The following DENND4A variants were observed in gnomAD, a reference collection of about 807,000 sequenced individuals.
DENND4A encodes C-myc promoter-binding protein.
A neutral mutation model predicts 199.3 loss-of-function variants in DENND4A; 70 were observed. The observed-to-expected ratio is 0.35, with a 90% CI of 0.29 to 0.43. The LOEUF (loss-of-function observed/expected upper bound fraction) is 0.43, where lower values mean the gene tolerates loss of function less well. DENND4A is among the 20% of genes least tolerant of loss of function. The pLI is 1.00. For missense variants in DENND4A, 1,723 were observed against 2,255.8 expected (o/e 0.76, Z 4.78); for synonymous variants, 686 against 766.9 (o/e 0.89, Z 1.74).
intron 23 of DENND4A, among the ~76,000 whole-genome samples, chr15:65,689,028 C>A (rs2076885767): frequency 6.6e-6 from 1 of 152,190 alleles, no homozygotes; most frequent in Non-Finnish European, 1.5e-5. Flanking sequence ...TCTTTCAGCA[C>A]TTTAAAGATA....
chr15:65,697,257 C>A lies in DENND4A; in HGVS notation c.2950+10G>T. The stretch of plus-strand genomic sequence containing the variant: ...CAATTTTATACAATATCAACTTAAA[C>A]AATACCTACAGGAACTACAATCACT... On this transcript the variant is annotated intron_variant, in intron 21 of 32. Transcript: ENST00000443035. The A allele has an allele frequency of 1.4e-6, 2 of 1,472,914 alleles. No individual in the cohort carries two copies. Among genetic ancestry groups the A allele is most frequent in the Non-Finnish European group, 1.9e-6 (2 of 1,069,578 alleles). 91.2% of individuals were successfully genotyped at this position (1,472,914 alleles called of 1,614,324 possible).
At chr15:65,758,362 G>A (rs1396249612) in intron 2 of DENND4A, among the ~76,000 whole-genome samples, 1 of 152,190 alleles carries the variant, frequency 6.6e-6, no homozygotes, top group African/African-American at 2.4e-5. Context: ...CGCCCAGGCT[G>A]AAATGGAGTA....
intron 25 of DENND4A, among the ~76,000 whole-genome samples, chr15:65,671,277 TAA>T (rs781228801): frequency 1.3e-5 from 2 of 152,246 alleles, no homozygotes; most frequent in African/African-American, 4.8e-5. Flanking sequence ...CTAATAGAAA[TAA>T]GTTAGTATGA....
At chr15:65,713,286 G>A (rs1322007818) in intron 14 of DENND4A, among the ~76,000 whole-genome samples, 2 of 152,096 alleles carry the variant, frequency 1.3e-5, no homozygotes, top group African/African-American at 4.8e-5. Flanking sequence ...TACAGAATAA[G>A]TATTTTGTAG....
chr15:65,683,165 G>A (rs1384275860), intron 23 of DENND4A, among the ~76,000 whole-genome samples: 1 of 152,202 alleles, frequency 6.6e-6, no homozygotes, highest in Non-Finnish European at 1.5e-5. Context: ...TGACATTTGT[G>A]TAGAGCAGTA....
chr15:65,777,810 C>T (rs2077322295), intron 1 of DENND4A, among the ~76,000 whole-genome samples: 1 of 152,112 alleles, frequency 6.6e-6, no homozygotes, highest in Non-Finnish European at 1.5e-5. Flanking sequence ...CCAAAGTGGG[C>T]AGATCACAAG....
rs542117739 is a variant in DENND4A, at chr15:65,731,796, T to C, written c.1108-96A>G. 24 of 869,946 alleles carry C rather than the reference T, an allele frequency of 2.8e-5. 1 individual carries two copies. In the South Asian group the frequency reaches 2.9e-4, roughly 11 times the overall value. 53.9% of individuals were successfully genotyped at this position (869,946 alleles called of 1,614,324 possible). Reference sequence around the variant, plus strand: ...ATATATAAAATAATGATTATGCCCATGAAGTTTCAGTATATCCATTTACCA... The same window carrying C: ...ATATATAAAATAATGATTATGCCCACGAAGTTTCAGTATATCCATTTACCA... On this transcript the variant is annotated intron_variant, in intron 8 of 32. Transcript: ENST00000443035.
chr15:65,680,871 A>C (rs2076549936), intron 23 of DENND4A: 1 of 152,254 alleles, frequency 6.6e-6, no homozygotes, highest in Non-Finnish European at 1.5e-5. Context: ...CCTTATTACT[A>C]AAAATTGCTA....
intron 1 of DENND4A, among the ~76,000 whole-genome samples, chr15:65,768,291 A>G (rs1161903494): frequency 1.3e-5 from 2 of 152,140 alleles, no homozygotes; most frequent in Non-Finnish European, 2.9e-5. Flanking sequence ...TGTTGGAATA[A>G]CAAGCATGAG....
intron 13 of DENND4A, among the ~76,000 whole-genome samples, chr15:65,716,635 C>T (rs1340071336): frequency 2.0e-5 from 3 of 151,702 alleles, no homozygotes; most frequent in African/African-American, 7.3e-5. Context: ...TTTCTTAATC[C>T]AGTCTATCAT....
chr15:65,759,268 G>A (rs2076790832), intron 2 of DENND4A, among the ~76,000 whole-genome samples: 1 of 152,110 alleles, frequency 6.6e-6, no homozygotes, highest in Non-Finnish European at 1.5e-5. Flanking sequence ...CACAAGGTCA[G>A]GAGTTCAAGA....
chr15:65,763,709 T>C (rs923510563), intron 1 of DENND4A, among the ~76,000 whole-genome samples: 2 of 145,980 alleles, frequency 1.4e-5, no homozygotes, highest in African/African-American at 2.6e-5. Context: ...AAAAATTCGA[T>C]AGTGTCTTGA....
In DENND4A at chr15:65,690,868, T is replaced by C. The variant is rs760863141; in HGVS notation, c.3726A>G (p.Pro1242=). 1.9e-6 allele frequency: 3 copies of C among 1,611,884 alleles called. No individual in the cohort carries two copies. The African/African-American group carries it at 4.0e-5, about 22-fold the overall frequency. The change falls in exon 23 of 33, where the codon CCA becomes CCG. Residue 1242 remains proline, a synonymous_variant. Transcript: ENST00000443035. ...CTTCAGCTAAATCACGCCTAGCAGA[T>C]GGTGTTGAAATGCTTTTGCTATCAT... is the stretch of plus-strand genomic sequence containing the variant. The part of the protein sequence containing the change: ...DEDDSKSIST[P]SARRDLAEEI...
intron 22 of DENND4A, among the ~76,000 whole-genome samples, chr15:65,692,417 T>C (rs2077004196): frequency 6.6e-6 from 1 of 152,206 alleles, no homozygotes; most frequent in Non-Finnish European, 1.5e-5. Context: ...TTACTATATG[T>C]GGGAGTCCTC....
Position 65,715,577 on chromosome 15 carries a change from C to A in DENND4A, c.1854G>T (p.Met618Ile), listed in dbSNP as rs767352042. 1 of 1,597,212 alleles carries A rather than the reference C, an allele frequency of 6.3e-7. No individual in the cohort carries two copies. Among genetic ancestry groups the A allele is most frequent in the South Asian group, 1.1e-5 (1 of 87,858 alleles). Residue 618 changes from methionine (M) to isoleucine (I), a missense_variant, in exon 14 of 33, where the codon ATG becomes ATT. Physicochemically the swap from Met to Ile is conservative, Grantham distance 10. This residue lies in a region of DENND4A where 725 missense variants were observed against 952.9 expected (regional missense o/e 0.76). Transcript: ENST00000443035. The part of the protein sequence containing the change: ...RDRSHQKFYN[M>I]MTKTQMFIRF... ...GAATAAACATTTGTGTTTTGGTCAT[C>A]ATGTTATAGAATTTTTGATGTGACC...
intron 7 of DENND4A, among the ~76,000 whole-genome samples, chr15:65,734,938 C>T (rs150178486): frequency 6.6e-6 from 1 of 151,976 alleles, no homozygotes; most frequent in Non-Finnish European, 1.5e-5. Context: ...AAAAATTAGC[C>T]AGGCATGGTG....
intron 4 of DENND4A, among the ~76,000 whole-genome samples, 167 bp downstream of exon 4, chr15:65,752,212 C>T (rs557252832): frequency 2.4e-5 from 3 of 122,574 alleles, no homozygotes; most frequent in South Asian, 2.6e-4. Flanking sequence ...AAGTACTTTC[C>T]GAAAAGTAAA....
chr15:65,724,822 C>T (rs1163839097), intron 11 of DENND4A, among the ~76,000 whole-genome samples: 3 of 152,178 alleles, frequency 2.0e-5, no homozygotes, highest in African/African-American at 7.2e-5. Context: ...CTTGATGAAA[C>T]TCAGTAACAC....
chr15:65,766,785 G>A (rs74975551), intron 1 of DENND4A: 9,261 of 152,214 alleles, frequency 0.061, 290 homozygotes, highest in African/African-American at 0.084. Flanking sequence ...TCCTGGCTAA[G>A]TTCCAGACCG....
Sources: allele counts gnomAD v4.1 joint callset (sites outside exome capture counted in the v4.1 genomes callset), GRCh38; gene constraint gnomAD v4.1.1; regional missense constraint gnomAD v4.1.1; transcripts MANE v1.5; gene names NCBI Gene and HGNC (gene_info 2026-07-23, HGNC 2026-07-21).